The following ATAD3B variants were observed in gnomAD, a reference collection of about 807,000 sequenced individuals.
ATAD3B encodes the protein ATPase family AAA domain containing 3B.
ATAD3B carries 59 observed loss-of-function variants against 70.2 expected under a neutral mutation model. The observed-to-expected ratio is 0.84, with a 90% confidence interval of 0.68 to 1.04. ATAD3B has a LOEUF of 1.04. Ranked by LOEUF, ATAD3B falls within the 50% of genes least tolerant of loss-of-function variation. ATAD3B has a pLI of 0.00. For synonymous variants in ATAD3B, 423 were observed against 388.6 expected (o/e 1.09, Z -1.04); for missense variants, 961 against 913.4 (o/e 1.05, Z -0.67).
At chr1:1,489,741 C>T in intron 13 of ATAD3B, 1 of 1,309,366 alleles carries the variant, frequency 7.6e-7, no homozygotes, top group Non-Finnish European at 1.0e-6. Flanking sequence ...TCGGCCGTGG[C>T]TGACTCTTCA....
chr1:1,485,282 A>G (rs3736372), intron 8 of ATAD3B, 111 bp downstream of exon 8: 106,041 of 1,486,404 alleles, frequency 0.071, 17,187 homozygotes, highest in African/African-American at 0.52. Context: ...CCCGGATAAC[A>G]GGCACCCGCA....
chr1:1,481,782 C>A (rs1390427760), intron 5 of ATAD3B, among the ~76,000 whole-genome samples: 3 of 151,838 alleles, frequency 2.0e-5, no homozygotes, highest in African/African-American at 7.3e-5. Flanking sequence ...TGCCCTAATC[C>A]ATGGGCAGGG....
the ATAD3B span, chr1:1,509,463 C>T: frequency 1.7e-5 from 27 of 1,583,730 alleles, no homozygotes; most frequent in Middle Eastern, 4.0e-4. Flanking sequence ...CCACGGGGGC[C>T]GCACCGCTGT....
At position 1,482,864 on chromosome 1, in the gene ATAD3B, G is replaced by A. The variant is rs1205706716; in HGVS notation, c.750+250G>A. On this transcript the variant is annotated intron_variant, in intron 7 of 15. Transcript: ENST00000673477. ...ACGAAGAATAAAACATTAGCTGGGT[G>A]TGATGGTGGCGCCTGTGGTCCTGCT... 4.9e-6 allele frequency: 3 copies of A among 610,356 alleles called. 1 individual carries two copies. The highest frequency in any genetic ancestry group is 6.2e-5 in the East Asian group (2 of 32,100). 37.8% of individuals were successfully genotyped at this position (610,356 alleles called of 1,614,324 possible). A position where few individuals can be genotyped will look rare whatever the true frequency, so the allele number is the denominator to read the frequency against.
chr1:1,477,282 A>G lies in ATAD3B; in HGVS notation c.214A>G (p.Lys72Glu). 1 of 1,612,382 alleles carries G rather than the reference A, an allele frequency of 6.2e-7. No homozygotes were observed. Among genetic ancestry groups the G allele is most frequent in the African/African-American group, 1.3e-5 (1 of 75,002 alleles). The change falls in exon 2 of 16, where the codon AAG (lysine) becomes GAG (glutamate). Residue 72 changes from lysine (K) to glutamate (E), a missense_variant. By Grantham distance (56) the Lys-to-Glu change is moderately conservative (BLOSUM62 1). This residue lies in a region of ATAD3B where 187 missense variants were observed against 244.3 expected (regional missense o/e 0.77). Transcript: ENST00000673477. ...ARELEHSRYA[K>E]EALNLAQMQE... ...GCCACATGCGCCCGCAGGTTACGCC[A>G]AGGAGGCCCTGAATCTGGCGCAGAT...
At chr1:1,491,494 G>A (rs139112915) in intron 15 of ATAD3B, among the ~76,000 whole-genome samples, 1,653 of 152,006 alleles carry the variant, frequency 0.011, 21 homozygotes, top group African/African-American at 0.036. Context: ...TCGCACCACC[G>A]CACTCCAGCC....
At position 1,494,592 on chromosome 1, in the gene ATAD3B, G is replaced by C. The variant is rs111460649; in HGVS notation, c.1615-893G>C. Among the ~76,000 whole-genome samples, 6 of 152,012 alleles carry C rather than the reference G, an allele frequency of 3.9e-5. 1 individual carries two copies. The highest frequency in any genetic ancestry group is 1.4e-4 in the African/African-American group (6 of 41,468). ...CAGTGGCTCTTGGCGAGGGGTGGGC[G>C]CTGGCAGAGGGGACGGGCACCACGT... is the stretch of plus-strand genomic sequence containing the variant. On this transcript the variant is annotated intron_variant, in intron 15 of 15. Transcript: ENST00000673477.
rs755646404 is a variant in ATAD3B, at chr1:1,483,019, C to T, written c.750+405C>T. On this transcript the variant is annotated intron_variant, in intron 7 of 15. Transcript: ENST00000673477. ...TTGTCTCAAGAAAAAAATGGCCAGGCGGTAGTGGCTCAGGCCTGTAATCCC... is the reference window on the plus strand; with the variant it reads ...TTGTCTCAAGAAAAAAATGGCCAGGTGGTAGTGGCTCAGGCCTGTAATCCC... 46 of 457,284 alleles carry T rather than the reference C, an allele frequency of 1.0e-4. 1 individual carries two copies. Among genetic ancestry groups the T allele is most frequent in the Non-Finnish European group, 1.3e-4 (30 of 229,372 alleles). 28.3% of individuals were successfully genotyped at this position (457,284 alleles called of 1,614,324 possible).
chr1:1,472,979 C>A (rs940738412), intron 1 of ATAD3B, among the ~76,000 whole-genome samples: 6 of 151,522 alleles, frequency 4.0e-5, no homozygotes, highest in African/African-American at 9.7e-5. Context: ...CGCAGCACCA[C>A]GCCCGGCTAA....
At chr1:1,508,706 C>T in the ATAD3B span, among the ~76,000 whole-genome samples, 1,981 of 151,326 alleles carry the variant, frequency 0.013, 119 homozygotes, top group African/African-American at 0.046. Flanking sequence ...ATGCTAGATG[C>T]CAAGCCCTGT....
intron 7 of ATAD3B, 25 bp downstream of exon 7, chr1:1,482,639 T>C: frequency 1.2e-6 from 2 of 1,613,238 alleles, no homozygotes; most frequent in South Asian, 1.1e-5. Context: ...AAAACAGGGC[T>C]GGCAGGTGGC....
chr1:1,486,196 G>T lies in ATAD3B; in HGVS notation c.1050G>T (p.Leu350=). Residue 350 remains leucine (L), a synonymous_variant, in exon 10 of 16, where the codon CTG becomes CTT. Transcript: ENST00000673477. ...GGGGCCTGTACAGGCACATCCTGCT[G>T]TATGGGCCACCAGGCACCGGGAAGA... The part of the protein sequence containing the change: ...KNRGLYRHIL[L]YGPPGTGKTL... 6.2e-7 allele frequency: 1 copy of T among 1,613,224 alleles called. No homozygotes were observed. Among genetic ancestry groups the T allele is most frequent in the Non-Finnish European group, 8.5e-7 (1 of 1,179,658 alleles).
chr1:1,490,783 G>A, intron 15 of ATAD3B, 112 bp downstream of exon 15: 1 of 1,498,384 alleles, frequency 6.7e-7, no homozygotes, highest in Non-Finnish European at 8.9e-7. Context: ...TCTGTTGAGG[G>A]GTTTTCAGTG....
At chr1:1,483,699 G>A (rs1252630733) in intron 7 of ATAD3B, 1 of 152,888 alleles carries the variant, frequency 6.5e-6, no homozygotes. Flanking sequence ...CACTCGGGAG[G>A]CTGAGGCAGG....
At chr1:1,499,297 TTTGGTCTC>T (rs1247418619), downstream of ATAD3B, among the ~76,000 whole-genome samples, 6 of 146,542 alleles carry the variant, frequency 4.1e-5, no homozygotes, top group Non-Finnish European at 7.5e-5. Context: ...TTTTTTTTTT[TTTGGTCTC>T]GGCTTACTGT....
At chr1:1,501,285 C>G (rs1640940278), downstream of ATAD3B, among the ~76,000 whole-genome samples, 1 of 147,982 alleles carries the variant, frequency 6.8e-6, no homozygotes, top group South Asian at 2.2e-4. Context: ...GACGGAGTCT[C>G]GCTCTGTCAC....
Position 1,496,108 on chromosome 1 carries a change from G to GC in ATAD3B, c.*292dup. The GC allele has an allele frequency of 8.5e-7, 1 of 1,174,458 alleles. No homozygotes were observed. The highest frequency in any genetic ancestry group is 1.1e-6 in the Non-Finnish European group (1 of 947,678). 72.8% of individuals were successfully genotyped at this position (1,174,458 alleles called of 1,614,324 possible). On this transcript the variant is annotated 3_prime_UTR_variant, in exon 16 of 16. Coordinates refer to ENST00000673477, the MANE Select transcript of ATAD3B (RefSeq NM_031921.6). ...CCATGGCCAGGGGCCACGGAACCCG[G>GC]CAGGGGTGTCTGAGGCCGCCCTGTC...
Position 1,486,156 on chromosome 1 carries a change from A to G in ATAD3B, c.1010A>G (p.Asn337Ser). 1 of 1,613,206 alleles carries G rather than the reference A, an allele frequency of 6.2e-7. No individual in the cohort carries two copies. Among genetic ancestry groups the G allele is most frequent in the Non-Finnish European group, 8.5e-7 (1 of 1,179,632 alleles). ...CGCGACATCGCCATAGCAACCAGGAACACCAAGAAGAACCGGGGCCTGTAC... is the reference window on the plus strand; with the variant it reads ...CGCGACATCGCCATAGCAACCAGGAGCACCAAGAAGAACCGGGGCCTGTAC... ...RVRDIAIATRNTKKNRGLYRH... is the reference protein window; with the variant it reads ...RVRDIAIATRSTKKNRGLYRH... Residue 337 changes from asparagine to serine, a missense_variant, in exon 10 of 16, where the codon AAC (asparagine) becomes AGC (serine). Transcript: ENST00000673477.
At chr1:1,480,730 G>T (rs1361722996) in intron 4 of ATAD3B, 137 bp from the exon 5 acceptor site, 9 of 1,469,664 alleles carry the variant, frequency 6.1e-6, no homozygotes, top group Admixed American at 2.3e-5. Context: ...TCTGTGTCAG[G>T]GTGCGGCGTC....
Sources: allele counts gnomAD v4.1 joint callset (sites outside exome capture counted in the v4.1 genomes callset), GRCh38; gene constraint gnomAD v4.1.1; regional missense constraint gnomAD v4.1.1; transcripts MANE v1.5; gene names NCBI Gene and HGNC (gene_info 2026-07-23, HGNC 2026-07-21).